Variants in PRIM2 observed in about 807,000 individuals in gnomAD.
The protein encoded by PRIM2 is DNA primase subunit 2.
PRIM2 carries 39 observed loss-of-function variants against 67.3 expected under a neutral mutation model. The observed-to-expected ratio is 0.58, with a 90% CI of 0.45 to 0.76. The LOEUF is 0.76. Among genes scored for constraint, PRIM2 ranks in the 30% least tolerant of loss-of-function variants. The pLI, the probability that PRIM2 is intolerant of heterozygous loss-of-function variation, is 0.00. For missense variants in PRIM2, 398 were observed against 598.7 expected (o/e 0.66, Z 3.50); for synonymous variants, 143 against 198.7 (o/e 0.72, Z 2.36).
chr6:57,601,261 C>A lies in PRIM2; in HGVS notation c.1147+42C>A, dbSNP rs1776458640. ...GATATGTTGGCCAAGTACAGAAATC[C>A]AAGAGCTCTGTTGGAAACACTGAAA... On this transcript the variant is annotated intron_variant, in intron 11 of 13. Transcript: ENST00000615550. 3 of 1,539,068 alleles carry A rather than the reference C, an allele frequency of 1.9e-6. No individual in the cohort carries two copies. In the South Asian group the frequency reaches 3.8e-5, roughly 19 times the overall value.
intron 13 of PRIM2, among the ~76,000 whole-genome samples, chr6:57,645,321 T>TCACACACA (rs1189530732): frequency 1.5e-3 from 199 of 132,844 alleles, no homozygotes; most frequent in Non-Finnish European, 1.9e-3. Flanking sequence ...ACAATGTCAT[T>TCACACACA]CACACACACA....
At chr6:57,484,880 T>C (rs1326677497) in intron 7 of PRIM2, among the ~76,000 whole-genome samples, 81 of 152,268 alleles carry the variant, frequency 5.3e-4, no homozygotes, top group African/African-American at 1.9e-3. Context: ...TTATAGCAGT[T>C]AATTATATCT....
intron 7 of PRIM2, among the ~76,000 whole-genome samples, chr6:57,477,347 G>A (rs1773499899): frequency 6.6e-6 from 1 of 152,082 alleles, no homozygotes; most frequent in South Asian, 2.1e-4. Context: ...GTTATATATT[G>A]CTTACAAATA....
At chr6:57,387,728 A>G (rs1770199275) in intron 7 of PRIM2, among the ~76,000 whole-genome samples, 1 of 151,640 alleles carries the variant, frequency 6.6e-6, no homozygotes, top group Admixed American at 6.6e-5. Flanking sequence ...TTTGCTTCAT[A>G]TGGCAATTTT....
chr6:57,316,795 A>G (rs1308811840), upstream of PRIM2, among the ~76,000 whole-genome samples: 1 of 152,218 alleles, frequency 6.6e-6, no homozygotes, highest in Non-Finnish European at 1.5e-5. Context: ...GGACATCTGG[A>G]AAGTAAGCGG....
intron 12 of PRIM2, among the ~76,000 whole-genome samples, chr6:57,630,839 G>A (rs1263854506): frequency 1.3e-5 from 2 of 152,260 alleles, no homozygotes; most frequent in African/African-American, 4.8e-5. Flanking sequence ...CTCAGTGTTA[G>A]CGTTACTTGG....
chr6:57,628,073 A>G (rs1468041367), intron 12 of PRIM2, among the ~76,000 whole-genome samples: 1 of 152,164 alleles, frequency 6.6e-6, no homozygotes, highest in Non-Finnish European at 1.5e-5. Context: ...AAAACTGGAG[A>G]GTTAGTGTCA....
At chr6:57,350,624 G>C (rs993908141) in intron 5 of PRIM2, among the ~76,000 whole-genome samples, 3 of 152,096 alleles carry the variant, frequency 2.0e-5, no homozygotes, top group Non-Finnish European at 4.4e-5. Context: ...CTAGAGCTCT[G>C]TTCTGAGGAC....
chr6:57,411,631 G>A (rs1285370025), intron 7 of PRIM2, among the ~76,000 whole-genome samples: 1 of 151,774 alleles, frequency 6.6e-6, no homozygotes, highest in Non-Finnish European at 1.5e-5. Context: ...CTGTGAATGT[G>A]TACTTGATTA....
chr6:57,590,183 T>C (rs1776261039), intron 10 of PRIM2, among the ~76,000 whole-genome samples: 1 of 152,164 alleles, frequency 6.6e-6, no homozygotes, highest in South Asian at 2.1e-4. Flanking sequence ...CACTGGATAT[T>C]GGAATCACTC....
intron 7 of PRIM2, among the ~76,000 whole-genome samples, chr6:57,471,446 A>G (rs1374553916): frequency 6.6e-6 from 1 of 152,172 alleles, no homozygotes; most frequent in Non-Finnish European, 1.5e-5. Context: ...AAAAATTAGT[A>G]ATAAAAGAGC....
chr6:57,480,610 T>C (rs1373596292), intron 7 of PRIM2, among the ~76,000 whole-genome samples: 4 of 152,146 alleles, frequency 2.6e-5, no homozygotes, highest in African/African-American at 9.7e-5. Flanking sequence ...CACTAACTTA[T>C]TCTCCATTTC....
chr6:57,323,003 C>T (rs1767710664), intron 3 of PRIM2, among the ~76,000 whole-genome samples: 1 of 151,972 alleles, frequency 6.6e-6, no homozygotes, highest in Non-Finnish European at 1.5e-5. Context: ...CTTTGTGACC[C>T]TGAACAAGTT....
At chr6:57,244,013 A>T in the PRIM2 span, among the ~76,000 whole-genome samples, 2 of 152,346 alleles carry the variant, frequency 1.3e-5, no homozygotes, top group African/African-American at 2.4e-5. Context: ...CCATAGCTGG[A>T]CGAGGAAGCA....
In PRIM2 at chr6:57,547,519, TCTTTTA is replaced by T. The variant is rs1775313177; in HGVS notation, c.1020+9898_1020+9903del. Among the ~76,000 whole-genome samples, 4 of 152,316 alleles carry T rather than the reference TCTTTTA, an allele frequency of 2.6e-5. No homozygotes were observed. In the South Asian group the frequency reaches 8.3e-4, roughly 32 times the overall value. ...TAAAGTATGAATACCATGAAAATATTCTTTTACTTGGCACTTGGATATTAAATCACT... is the reference window on the plus strand; with the variant it reads ...TAAAGTATGAATACCATGAAAATATTCTTGGCACTTGGATATTAAATCACT... On this transcript the variant is annotated intron_variant, in intron 10 of 13. Coordinates refer to ENST00000615550, the MANE Select transcript of PRIM2 (RefSeq NM_000947.5).
At chr6:57,364,889 A>C (rs1356471126) in intron 5 of PRIM2, among the ~76,000 whole-genome samples, 1 of 152,162 alleles carries the variant, frequency 6.6e-6, no homozygotes, top group Non-Finnish European at 1.5e-5. Flanking sequence ...TGTTAAGCTA[A>C]TATTTTTAAG....
At chr6:57,579,147 C>T (rs1422286448) in intron 10 of PRIM2, among the ~76,000 whole-genome samples, 1 of 144,612 alleles carries the variant, frequency 6.9e-6, no homozygotes, top group East Asian at 2.2e-4. Flanking sequence ...TTTTCTAATT[C>T]TTGATACAGT....
chr6:57,550,991 G>C (rs1372881226), intron 10 of PRIM2, among the ~76,000 whole-genome samples: 1 of 152,144 alleles, frequency 6.6e-6, no homozygotes, highest in Non-Finnish European at 1.5e-5. Flanking sequence ...TTAACAACCT[G>C]TTGTGTGTTT....
At chr6:57,227,446 C>T in the PRIM2 span, among the ~76,000 whole-genome samples, 1 of 152,204 alleles carries the variant, frequency 6.6e-6, no homozygotes, top group East Asian at 1.9e-4. Context: ...GAGTTCAAGA[C>T]CAGCCTGGCC....
Sources: allele counts gnomAD v4.1 joint callset (sites outside exome capture counted in the v4.1 genomes callset), GRCh38; gene constraint gnomAD v4.1.1; transcripts MANE v1.5; gene names NCBI Gene and HGNC (gene_info 2026-07-23, HGNC 2026-07-21).